Variants in CACNA1S observed in about 807,000 individuals in gnomAD.
The protein encoded by CACNA1S is voltage-dependent L-type calcium channel subunit alpha-1S.
A neutral mutation model predicts 207.4 loss-of-function variants in CACNA1S; 126 were observed. The ratio of observed to expected loss-of-function variants is 0.61; its 90% confidence interval spans 0.53 to 0.70. The LOEUF (loss-of-function observed/expected upper bound fraction) is 0.70, where lower values mean the gene tolerates loss of function less well. Ranked by LOEUF, CACNA1S falls within the 30% of genes least tolerant of loss-of-function variation. The probability of loss-of-function intolerance (pLI) is 0.00; values close to 1 mark genes in which losing one functional copy is unlikely to be tolerated. For missense variants in CACNA1S, 2,349 were observed against 2,422.8 expected, an observed-to-expected ratio of 0.97 and a Z score of 0.64; for synonymous variants, 960 against 932.7, an observed-to-expected ratio of 1.03 and a Z score of -0.53.
At chr1:201,070,635 TG>T (rs1277247006) in intron 16 of CACNA1S, among the ~76,000 whole-genome samples, 1 of 151,980 alleles carries the variant, frequency 6.6e-6, no homozygotes, top group Non-Finnish European at 1.5e-5. Flanking sequence ...CTTCCAGAAG[TG>T]GGGCAAGGAG....
In CACNA1S at chr1:201,044,355, C is replaced by T. The variant is rs756402603; in HGVS notation, c.4770G>A (p.Glu1590=). ...AEEELERAMV[E]AAMEEGIFRR... is the part of the protein sequence containing the mutation. ...GGAATATTCCCTCCTCCATCGCAGC[C>T]TCCACCATGGCTCTCTCCAGCTCCT... Residue 1590 remains glutamate (E), a synonymous_variant, in exon 39 of 44, where the codon GAG becomes GAA. Transcript: ENST00000362061. 16 of 1,613,694 alleles carry T rather than the reference C, an allele frequency of 9.9e-6. No homozygotes were observed. Among genetic ancestry groups the T allele is most frequent in the Non-Finnish European group, 1.3e-5 (15 of 1,179,884 alleles).
chr1:201,072,583 C>A (rs895189286), intron 16 of CACNA1S, among the ~76,000 whole-genome samples, 172 bp downstream of exon 16: 1 of 152,140 alleles, frequency 6.6e-6, no homozygotes, highest in Admixed American at 6.5e-5. Context: ...TTGAGAGAGA[C>A]AAGCTGGCAG....
chr1:201,100,261 G>A (rs765033861), intron 2 of CACNA1S, among the ~76,000 whole-genome samples: 68 of 152,266 alleles, frequency 4.5e-4, no homozygotes, highest in Non-Finnish European at 7.1e-4. Flanking sequence ...TTGGAAGTGA[G>A]ACTTAGAGGG....
chr1:201,040,281 C>A lies in CACNA1S; in HGVS notation c.5320G>T (p.Glu1774Ter). 1 of 1,613,818 alleles carries A rather than the reference C, an allele frequency of 6.2e-7. No individual in the cohort carries two copies. The highest frequency in any genetic ancestry group is 1.7e-4 in the Middle Eastern group (1 of 5,960). ...EETPHSRSTR[E>*]NTSRCSAPAT... ...GGTGCTGAGCACCTGGAAGTATTCT[C>A]CCTGGTGCTCCTGCTGTGGGGTGTC... is the stretch of plus-strand genomic sequence containing the variant. Residue 1774 changes from glutamate to a stop codon, truncating the protein, a stop_gained, in exon 43 of 44, where the codon GAG (glutamate) becomes TAG (stop). Transcript: ENST00000362061. LOFTEE classifies it low-confidence loss of function (END_TRUNC).
chr1:201,099,461 G>A (rs541655833), intron 2 of CACNA1S, among the ~76,000 whole-genome samples: 11 of 152,274 alleles, frequency 7.2e-5, no homozygotes, highest in African/African-American at 2.6e-4. Context: ...CTGTCACCTG[G>A]GCCTGAAAAT....
In CACNA1S at chr1:201,097,005, C is replaced by T. The variant is rs114326617; in HGVS notation, c.259-2984G>A. On this transcript the variant is annotated intron_variant, in intron 2 of 43. Coordinates refer to ENST00000362061, the MANE Select transcript of CACNA1S (RefSeq NM_000069.3). Reference sequence around the variant, plus strand: ...TAAACCTGCTCTTTTTCATGTGTCGCTGTCTCAGCCAAAGGCACTCAGTGG... The same window carrying T: ...TAAACCTGCTCTTTTTCATGTGTCGTTGTCTCAGCCAAAGGCACTCAGTGG... 5.2e-3 allele frequency among the ~76,000 whole-genome samples: 790 copies of T among 152,230 alleles called. 9 individuals are homozygous for T. Among genetic ancestry groups the T allele is most frequent in the African/African-American group, 0.017 (706 of 41,508 alleles).
intron 37 of CACNA1S, 110 bp downstream of exon 37, chr1:201,047,415 T>C: frequency 8.1e-7 from 1 of 1,238,280 alleles, no homozygotes; most frequent in South Asian, 1.2e-5. Context: ...ACCTAAGGCA[T>C]TTATGGAGGA....
rs1310680344 is a variant in CACNA1S at position 201,074,564 on chromosome 1, T to C, written c.2005A>G (p.Ser669Gly). The C allele has an allele frequency of 1.2e-6, 2 of 1,613,960 alleles. No homozygotes were observed. The highest frequency in any genetic ancestry group is 1.3e-5 in the African/African-American group (1 of 74,928). The change falls in exon 14 of 44, where the codon AGC becomes GGC. Residue 669 changes from serine to glycine, a missense_variant. By Grantham distance (56) the Ser-to-Gly change is moderately conservative. Transcript: ENST00000362061. ...IAVDNLAEAESLTSAQKAKAE... is the reference protein window; with the variant it reads ...IAVDNLAEAEGLTSAQKAKAE... ...TTGGCCTTCTGGGCAGAAGTCAGGCTCTCCGCCTCGGCCAGGTTGTCCACG... is the reference window on the plus strand; with the variant it reads ...TTGGCCTTCTGGGCAGAAGTCAGGCCCTCCGCCTCGGCCAGGTTGTCCACG...
chr1:201,098,199 AGT>A (rs1482778423), intron 2 of CACNA1S, among the ~76,000 whole-genome samples: 1 of 152,218 alleles, frequency 6.6e-6, no homozygotes, highest in Non-Finnish European at 1.5e-5. Flanking sequence ...AGTGCCTGAA[AGT>A]CTGTGATGGA....
rs530216682 is a variant in CACNA1S at position 201,056,826 on chromosome 1, C to T, written c.3609+1582G>A. 4.4e-4 allele frequency among the ~76,000 whole-genome samples: 67 copies of T among 152,284 alleles called. No individual in the cohort carries two copies. The South Asian group carries it at 5.0e-3, about 11-fold the overall frequency. ...CTTTCATCCCCTTCATAAGGCAGGT[C>T]CTGCTGCTGTTTCTCATTCCACCTC... On this transcript the variant is annotated intron_variant, in intron 28 of 43. Transcript: ENST00000362061.
At chr1:201,089,180 G>A in intron 6 of CACNA1S, 78 bp downstream of exon 6, 1 of 1,406,850 alleles carries the variant, frequency 7.1e-7, no homozygotes, top group Admixed American at 1.7e-5. Context: ...TGTGTGGACT[G>A]GCAAGCCCTC....
chr1:201,073,892 T>C (rs141769582), intron 14 of CACNA1S, among the ~76,000 whole-genome samples: 22 of 152,258 alleles, frequency 1.4e-4, no homozygotes, highest in Non-Finnish European at 2.8e-4. Flanking sequence ...CGTTGGTTGA[T>C]AGTGAATGGG....
At chr1:201,079,779 C>A (rs1281648983) in intron 10 of CACNA1S, among the ~76,000 whole-genome samples, 1 of 152,206 alleles carries the variant, frequency 6.6e-6, no homozygotes, top group Non-Finnish European at 1.5e-5. Flanking sequence ...CATGCCCTGA[C>A]CCCATTGCTG....
intron 2 of CACNA1S, among the ~76,000 whole-genome samples, chr1:201,099,180 A>G (rs1662549779): frequency 6.6e-6 from 1 of 152,282 alleles, no homozygotes; most frequent in East Asian, 1.9e-4. Flanking sequence ...TTTTCCTCCA[A>G]AGGGATCTGC....
At chr1:201,043,737 A>C (rs953499128) in intron 39 of CACNA1S, among the ~76,000 whole-genome samples, 7 of 152,192 alleles carry the variant, frequency 4.6e-5, no homozygotes, top group African/African-American at 1.2e-4. Flanking sequence ...TAGACAGCAC[A>C]CACCTAAGGA....
At chr1:201,105,802 C>T (rs989178978) in intron 2 of CACNA1S, among the ~76,000 whole-genome samples, 2 of 152,160 alleles carry the variant, frequency 1.3e-5, no homozygotes, top group African/African-American at 4.8e-5. Context: ...CCAGTGCTGG[C>T]AGAAGGGATA....
At chr1:201,065,401 A>G (rs1661203923) in intron 22 of CACNA1S, among the ~76,000 whole-genome samples, 1 of 152,226 alleles carries the variant, frequency 6.6e-6, no homozygotes, top group Non-Finnish European at 1.5e-5. Context: ...GTATTTATAG[A>G]TTGAAGTTTC....
intron 2 of CACNA1S, among the ~76,000 whole-genome samples, chr1:201,109,605 G>T (rs1451867393): frequency 6.6e-6 from 1 of 152,128 alleles, no homozygotes; most frequent in African/African-American, 2.4e-5. Context: ...CTTAATTTTT[G>T]AATATTCCTT....
At chr1:201,108,210 A>G (rs567186442) in intron 2 of CACNA1S, among the ~76,000 whole-genome samples, 2 of 151,720 alleles carry the variant, frequency 1.3e-5, no homozygotes, top group Admixed American at 1.3e-4. Flanking sequence ...GGCTCAAGCA[A>G]TCCTCCCACT....
Sources: allele counts gnomAD v4.1 joint callset (sites outside exome capture counted in the v4.1 genomes callset), GRCh38; gene constraint gnomAD v4.1.1; transcripts MANE v1.5; gene names NCBI Gene and HGNC (gene_info 2026-07-23, HGNC 2026-07-21).